The following TMPRSS15 variants were observed in gnomAD, a reference collection of about 807,000 sequenced individuals.
The protein encoded by TMPRSS15 is transmembrane serine protease 15.
TMPRSS15 carries 128 observed loss-of-function variants against 125.3 expected under a neutral mutation model. The observed-to-expected ratio is 1.02, with a 90% CI of 0.89 to 1.18. TMPRSS15 has a LOEUF of 1.18. Ranked by LOEUF, TMPRSS15 falls within the 50% of genes most tolerant of loss-of-function variation. The pLI, the probability that TMPRSS15 is intolerant of heterozygous loss-of-function variation, is 0.00. For missense variants in TMPRSS15, 1,283 were observed against 1,212.7 expected, an observed-to-expected ratio of 1.06 and a Z score of -0.86; for synonymous variants, 446 against 423.2, an observed-to-expected ratio of 1.05 and a Z score of -0.66.
intron 22 of TMPRSS15, among the ~76,000 whole-genome samples, chr21:18,280,035 G>T (rs78996722): frequency 0.018 from 2,681 of 152,160 alleles, 72 homozygotes; most frequent in African/African-American, 0.062. Context: ...ACAACTAACC[G>T]TAGCAATAGT....
rs60612261 is a variant in TMPRSS15 at position 18,402,527 on chromosome 21, C to CAAAA, written c.145+947_145+950dup. 4.7e-3 allele frequency among the ~76,000 whole-genome samples: 512 copies of CAAAA among 108,414 alleles called. 13 individuals carry two copies. Among genetic ancestry groups the CAAAA allele is most frequent in the Middle Eastern group, 0.016 (3 of 192 alleles). The allele number at this position is 108,414 out of a possible 152,430, so 71.1% of individuals were successfully genotyped here. ...CTGGCGACAGAGCGAGACTCTATCT[C>CAAAA]AAAAAAAAAAAAAAAAAAGAGAGAA... On this transcript the variant is annotated intron_variant, in intron 1 of 24. Coordinates refer to ENST00000284885, the MANE Select transcript of TMPRSS15 (RefSeq NM_002772.3).
At chr21:18,379,915 A>T (rs889004350) in intron 4 of TMPRSS15, among the ~76,000 whole-genome samples, 3 of 152,294 alleles carry the variant, frequency 2.0e-5, no homozygotes, top group Non-Finnish European at 4.4e-5. Context: ...TTCAAGTCTT[A>T]TAAAAATTGT....
intron 1 of TMPRSS15, among the ~76,000 whole-genome samples, chr21:18,420,823 G>A (rs2076190642): frequency 6.6e-6 from 1 of 152,100 alleles, no homozygotes; most frequent in Admixed American, 6.5e-5. Flanking sequence ...AGAGTCAGAT[G>A]GTTTTCTGCT....
intron 21 of TMPRSS15, 114 bp downstream of exon 21, chr21:18,294,156 A>T (rs1329865542): frequency 5.6e-6 from 7 of 1,245,920 alleles, no homozygotes; most frequent in Non-Finnish European, 5.8e-6. Flanking sequence ...ATAATGTCAT[A>T]AACAGCAGGA....
intron 12 of TMPRSS15, among the ~76,000 whole-genome samples, chr21:18,342,650 C>G (rs2075460625): frequency 6.6e-6 from 1 of 152,098 alleles, no homozygotes; most frequent in Admixed American, 6.6e-5. Context: ...CCTTACCCTT[C>G]TCTGAATTAT....
intron 3 of TMPRSS15, among the ~76,000 whole-genome samples, chr21:18,396,202 CT>C (rs2076033202): frequency 6.6e-6 from 1 of 152,230 alleles, no homozygotes; most frequent in South Asian, 2.1e-4. Context: ...GAGAAGTTTC[CT>C]TTTCCATTGC....
chr21:18,459,319 T>A (rs1181759994), intron 1 of TMPRSS15, among the ~76,000 whole-genome samples: 1 of 151,810 alleles, frequency 6.6e-6, no homozygotes, highest in Non-Finnish European at 1.5e-5. Flanking sequence ...TGTCGCCCAG[T>A]CTGGAGTGCA....
intron 1 of TMPRSS15, among the ~76,000 whole-genome samples, chr21:18,465,145 A>G (rs1044651770): frequency 6.6e-6 from 1 of 152,050 alleles, no homozygotes; most frequent in African/African-American, 2.4e-5. Flanking sequence ...CATAAACAGA[A>G]CCAATGACAA....
intron 18 of TMPRSS15, among the ~76,000 whole-genome samples, chr21:18,304,509 G>A (rs2075008713): frequency 1.3e-5 from 2 of 152,230 alleles, no homozygotes; most frequent in African/African-American, 2.4e-5. Context: ...ACATGTAGGA[G>A]GTTGGTAGTT....
intron 3 of TMPRSS15, among the ~76,000 whole-genome samples, chr21:18,388,797 A>G (rs2075967331): frequency 6.6e-6 from 1 of 152,182 alleles, no homozygotes; most frequent in Non-Finnish European, 1.5e-5. Context: ...GTAATGTTAC[A>G]CTCACAAAAT....
intron 13 of TMPRSS15, among the ~76,000 whole-genome samples, chr21:18,332,540 A>G (rs527584278): frequency 9.2e-4 from 140 of 152,278 alleles, no homozygotes; most frequent in African/African-American, 3.2e-3. Flanking sequence ...ATAATTTGCA[A>G]AAGGTACCAT....
intron 13 of TMPRSS15, among the ~76,000 whole-genome samples, 196 bp downstream of exon 13, chr21:18,341,217 G>A (rs1601358760): frequency 6.6e-6 from 1 of 152,094 alleles, no homozygotes; most frequent in African/African-American, 2.4e-5. Context: ...ATGCACCACT[G>A]TGCCCAGCTA....
At chr21:18,434,862 C>T (rs991995149) in intron 1 of TMPRSS15, among the ~76,000 whole-genome samples, 4 of 151,800 alleles carry the variant, frequency 2.6e-5, no homozygotes, top group Admixed American at 1.3e-4. Context: ...GTTATCTAGC[C>T]TTATATAATT....
chr21:18,386,127 G>GC (rs1228584140), intron 3 of TMPRSS15, among the ~76,000 whole-genome samples: 1 of 152,056 alleles, frequency 6.6e-6, no homozygotes, highest in Non-Finnish European at 1.5e-5. Context: ...ACAACTGTCA[G>GC]CCCCTATTCC....
intron 11 of TMPRSS15, 73 bp from the exon 12 acceptor site, chr21:18,343,729 AT>A: frequency 6.6e-7 from 1 of 1,505,194 alleles, no homozygotes; most frequent in Non-Finnish European, 9.2e-7. Context: ...GCTTTTCTAC[AT>A]TTTTTACTTT....
rs1180620774 is a variant in TMPRSS15, at chr21:18,312,360, T to C, written c.2165+585A>G. ...AATACATTTTTGATGAGTTATTAAT[T>C]GGAATTTTTACTTGCATCATCCTTG... On this transcript the variant is annotated intron_variant, in intron 18 of 24. Coordinates refer to ENST00000284885, the MANE Select transcript of TMPRSS15 (RefSeq NM_002772.3). Among the ~76,000 whole-genome samples the C allele has an allele frequency of 2.6e-5, 4 of 151,922 alleles. No homozygotes were observed. In the East Asian group the frequency reaches 7.8e-4, roughly 30 times the overall value.
chr21:18,394,971 A>C (rs2076021710), intron 3 of TMPRSS15, among the ~76,000 whole-genome samples: 1 of 152,182 alleles, frequency 6.6e-6, no homozygotes, highest in Admixed American at 6.5e-5. Context: ...TAAGAGAATA[A>C]AAAGATTGTA....
rs57708622 is a variant in TMPRSS15, at chr21:18,387,612, TACACACACACACACACACAC to T, written c.345-3854_345-3835del. 2.1e-5 allele frequency among the ~76,000 whole-genome samples: 3 copies of T among 145,242 alleles called. No individual in the cohort carries two copies. In the Admixed American group the frequency reaches 2.1e-4, roughly 10 times the overall value. On this transcript the variant is annotated intron_variant, in intron 3 of 24. Transcript: ENST00000284885. ...AAGAGTAGCTACACACACACACACA[TACACACACACACACACACAC>T]ACACACACACACACACACGCACACA...
At chr21:18,300,466 C>A (rs535717894) in intron 18 of TMPRSS15, among the ~76,000 whole-genome samples, 1 of 151,814 alleles carries the variant, frequency 6.6e-6, no homozygotes, top group Admixed American at 6.6e-5. Flanking sequence ...CTCAGCCTCC[C>A]GAGTATCTGG....
Sources: gnomAD v4.1 joint callset for allele counts (sites outside exome capture counted in the v4.1 genomes callset) on GRCh38, gnomAD v4.1.1 for gene constraint, MANE v1.5 for transcripts, NCBI Gene and HGNC (gene_info 2026-07-23, HGNC 2026-07-21) for gene names.